SNX29: variants seen among roughly 807,000 people sequenced by gnomAD.
SNX29 encodes the protein sorting nexin-29.
SNX29 carries 78 observed loss-of-function variants against 102.1 expected under a neutral mutation model. That is an observed-to-expected ratio of 0.76 (90% confidence interval 0.64 to 0.92). SNX29 has a LOEUF of 0.92. SNX29 is among the 40% of genes least tolerant of loss of function. SNX29 has a pLI of 0.00. For missense variants in SNX29, 1,280 were observed against 1,061.7 expected, an observed-to-expected ratio of 1.21 and a Z score of -2.86; for synonymous variants, 580 against 414.5, an observed-to-expected ratio of 1.40 and a Z score of -4.85.
chr16:11,994,878 T>G (rs966158063), intron 1 of SNX29, among the ~76,000 whole-genome samples: 1 of 152,070 alleles, frequency 6.6e-6, no homozygotes, highest in African/African-American at 2.4e-5. Flanking sequence ...TGGAAGGGCA[T>G]GATCTCATGC....
At chr16:12,058,625 C>A (rs558816537) in intron 8 of SNX29, among the ~76,000 whole-genome samples, 1 of 151,088 alleles carries the variant, frequency 6.6e-6, no homozygotes, top group Non-Finnish European at 1.5e-5. Context: ...TTCCAAGTAG[C>A]TGGGATTACA....
intron 13 of SNX29, among the ~76,000 whole-genome samples, chr16:12,159,824 A>G (rs11646006): frequency 0.011 from 1,740 of 152,302 alleles, 20 homozygotes; most frequent in Non-Finnish European, 0.018. Context: ...AGGGACAGGA[A>G]GTACAAGGTC....
intron 18 of SNX29, among the ~76,000 whole-genome samples, chr16:12,460,293 G>C (rs1169608691): frequency 2.0e-5 from 3 of 152,210 alleles, no homozygotes; most frequent in Admixed American, 2.0e-4. Flanking sequence ...GCTGGGCATA[G>C]TGATTTCTTT....
Position 12,519,388 on chromosome 16 carries a change from T to C in SNX29, c.2179-5314T>C, listed in dbSNP as rs184264126. Among the ~76,000 whole-genome samples, 19 of 152,280 alleles carry C rather than the reference T, an allele frequency of 1.2e-4. No homozygotes were observed. In the East Asian group the frequency reaches 2.1e-3, roughly 17 times the overall value. On this transcript the variant is annotated intron_variant, in intron 19 of 20. Coordinates refer to ENST00000566228, the MANE Select transcript of SNX29 (RefSeq NM_032167.5). ...GTGCACTGTAACTCGTCTTTTAAAA[T>C]TCCAGAAGCAGCAGGCACATTTGAA...
intron 19 of SNX29, among the ~76,000 whole-genome samples, chr16:12,512,381 T>G (rs370509770): frequency 4.7e-5 from 2 of 42,194 alleles, no homozygotes; most frequent in African/African-American, 1.7e-4. Flanking sequence ...TATATATATA[T>G]ATATATATAT....
chr16:12,263,477 T>C (rs2078840306), intron 14 of SNX29, among the ~76,000 whole-genome samples: 1 of 152,186 alleles, frequency 6.6e-6, no homozygotes, highest in Admixed American at 6.5e-5. Flanking sequence ...ATGAGCTCTC[T>C]AGAAATCTAA....
intron 19 of SNX29, among the ~76,000 whole-genome samples, chr16:12,521,038 C>T (rs568510272): frequency 2.0e-5 from 3 of 152,180 alleles, no homozygotes; most frequent in African/African-American, 7.2e-5. Context: ...ATTAGCCAGA[C>T]ATGGCTGTGT....
At chr16:12,229,908 T>C (rs1445581800) in intron 14 of SNX29, among the ~76,000 whole-genome samples, 1 of 152,200 alleles carries the variant, frequency 6.6e-6, no homozygotes, top group Non-Finnish European at 1.5e-5. Flanking sequence ...TTTCATTCTT[T>C]CTAGGACAGG....
At chr16:12,327,042 G>C (rs1050165633) in intron 15 of SNX29, among the ~76,000 whole-genome samples, 5 of 152,172 alleles carry the variant, frequency 3.3e-5, no homozygotes, top group Admixed American at 2.6e-4. Context: ...TGCTCTGTGA[G>C]AATCGGAGGT....
At position 12,043,434 on chromosome 16, in the gene SNX29, A is replaced by G. The variant is rs12932379; in HGVS notation, c.428+357A>G. ...CAGTGGCATGAACATGGGTCTTTGCAGCCTGGACCTCCCTGGCTCAAGCAA... is the reference window on the plus strand; with the variant it reads ...CAGTGGCATGAACATGGGTCTTTGCGGCCTGGACCTCCCTGGCTCAAGCAA... On this transcript the variant is annotated intron_variant, in intron 5 of 20. Transcript: ENST00000566228. Among the ~76,000 whole-genome samples, 1,105 of 151,468 alleles carry G rather than the reference A, an allele frequency of 7.3e-3. 16 individuals carry two copies. Among genetic ancestry groups the G allele is most frequent in the South Asian group, 0.046 (223 of 4,798 alleles).
chr16:12,394,774 G>T (rs1320194923), intron 16 of SNX29, among the ~76,000 whole-genome samples: 1 of 152,170 alleles, frequency 6.6e-6, no homozygotes, highest in Non-Finnish European at 1.5e-5. Context: ...AAGAGATTTG[G>T]CTTGGGCTCC....
At chr16:12,042,308 C>T (rs1259992664) in intron 4 of SNX29, among the ~76,000 whole-genome samples, 1 of 152,204 alleles carries the variant, frequency 6.6e-6, no homozygotes. Flanking sequence ...GGATTACAGG[C>T]ATGAGCCACC....
intron 18 of SNX29, 142 bp from the exon 19 acceptor site, chr16:12,477,577 A>T (rs1031317776): frequency 1.1e-6 from 1 of 938,256 alleles, no homozygotes; most frequent in Non-Finnish European, 1.6e-6. Flanking sequence ...TCCCTGCTCT[A>T]TGCCAGGAAC....
At chr16:12,045,636 A>ATTATTATTATTT (rs1261064688) in intron 5 of SNX29, among the ~76,000 whole-genome samples, 2 of 146,472 alleles carry the variant, frequency 1.4e-5, no homozygotes, top group Non-Finnish European at 3.0e-5. Context: ...TATTATTATT[A>ATTATTATTATTT]TTATTATTAT....
intron 15 of SNX29, among the ~76,000 whole-genome samples, chr16:12,294,641 G>A (rs769079542): frequency 5.9e-5 from 9 of 152,170 alleles, no homozygotes; most frequent in Admixed American, 1.3e-4. Flanking sequence ...TCAGCGGGGA[G>A]CACAGTTCCT....
intron 20 of SNX29, among the ~76,000 whole-genome samples, chr16:12,555,490 TG>T (rs201590501): frequency 0.015 from 2,314 of 151,752 alleles, 59 homozygotes; most frequent in African/African-American, 0.052. Context: ...TCTTTCGTTG[TG>T]GGGAGTCACG....
At chr16:12,006,579 A>G (rs1299341040) in intron 3 of SNX29, among the ~76,000 whole-genome samples, 1 of 148,526 alleles carries the variant, frequency 6.7e-6, no homozygotes, top group Non-Finnish European at 1.5e-5. Flanking sequence ...GCTACATTTT[A>G]TTTATGTTGA....
chr16:12,139,622 C>G (rs1306292041), intron 13 of SNX29, among the ~76,000 whole-genome samples: 2 of 152,138 alleles, frequency 1.3e-5, no homozygotes, highest in Non-Finnish European at 2.9e-5. Context: ...GTCGTTTGCC[C>G]CAAGATGTAT....
chr16:12,375,679 A>G (rs1200819767), intron 16 of SNX29: 2 of 152,228 alleles, frequency 1.3e-5, no homozygotes, highest in African/African-American at 4.8e-5. Flanking sequence ...GCGGCCAAAG[A>G]AAGCAAAAGA....
Sources: allele counts gnomAD v4.1 joint callset (sites outside exome capture counted in the v4.1 genomes callset), GRCh38; gene constraint gnomAD v4.1.1; transcripts MANE v1.5; gene names NCBI Gene and HGNC (gene_info 2026-07-23, HGNC 2026-07-21).